Variants in FOXP1 observed in about 807,000 individuals in gnomAD.
FOXP1 encodes forkhead box P1, also known as forkhead box protein P1.
Under a neutral mutation model 98.2 loss-of-function variants are expected in FOXP1, and 15 were observed. That is an observed-to-expected ratio of 0.15 (90% CI 0.10 to 0.24). The LOEUF (loss-of-function observed/expected upper bound fraction) is 0.24, where lower values mean the gene tolerates loss of function less well. Ranked by LOEUF, FOXP1 falls within the 10% of genes least tolerant of loss-of-function variation. The probability of loss-of-function intolerance (pLI) is 1.00; values close to 1 mark genes in which losing one functional copy is unlikely to be tolerated. For missense variants in FOXP1, 633 were observed against 848.5 expected, an observed-to-expected ratio of 0.75 and a Z score of 3.15; for synonymous variants, 371 against 314.5, an observed-to-expected ratio of 1.18 and a Z score of -1.90.
intron 2 of FOXP1, among the ~76,000 whole-genome samples, chr3:71,514,750 T>C (rs1203141002): frequency 6.6e-6 from 1 of 152,224 alleles, no homozygotes; most frequent in African/African-American, 2.4e-5. Flanking sequence ...TTCTGTGACC[T>C]GCATGTGGAG....
At chr3:71,018,379 G>C (rs1055232873) in intron 11 of FOXP1, among the ~76,000 whole-genome samples, 2 of 152,160 alleles carry the variant, frequency 1.3e-5, no homozygotes, top group Admixed American at 6.6e-5. Flanking sequence ...AAGACCGCTT[G>C]TGAATTTGTC....
At chr3:71,147,781 A>G (rs1304287431) in intron 6 of FOXP1, among the ~76,000 whole-genome samples, 1 of 152,212 alleles carries the variant, frequency 6.6e-6, no homozygotes, top group Non-Finnish European at 1.5e-5. Flanking sequence ...TCCTAGCCTT[A>G]TCGGCATTTA....
At position 70,988,956 on chromosome 3, in the gene FOXP1, T is replaced by TGA. The variant is rs1000155364; in HGVS notation, c.1063-881_1063-880dup. Among the ~76,000 whole-genome samples, 358 of 151,632 alleles carry TGA rather than the reference T, an allele frequency of 2.4e-3. 3 individuals are homozygous for TGA. The highest frequency in any genetic ancestry group is 4.7e-4 in the Non-Finnish European group (32 of 67,856). On this transcript the variant is annotated intron_variant, in intron 13 of 20. Transcript: ENST00000649528. ...AGGGAAGATGGAGAAGAGATTAATA[T>TGA]GAGAGAGAGAGAGGAGAGAGGGAGA...
chr3:71,195,450 A>G (rs1284184716), intron 6 of FOXP1, among the ~76,000 whole-genome samples: 2 of 152,236 alleles, frequency 1.3e-5, no homozygotes, highest in Non-Finnish European at 2.9e-5. Flanking sequence ...AAAATCCTCC[A>G]ACATTCAATA....
At chr3:71,347,548 T>A (rs955798939) in intron 4 of FOXP1, among the ~76,000 whole-genome samples, 18 of 152,246 alleles carry the variant, frequency 1.2e-4, no homozygotes, top group African/African-American at 4.1e-4. Flanking sequence ...CCTAGGGTCA[T>A]GTCAATATCA....
intron 6 of FOXP1, among the ~76,000 whole-genome samples, chr3:71,181,001 C>T (rs949344297): frequency 1.3e-5 from 2 of 152,156 alleles, no homozygotes; most frequent in African/African-American, 4.8e-5. Context: ...CCACAAGAAC[C>T]GGTTCCCTGC....
chr3:71,118,963 A>G (rs1261286605), intron 6 of FOXP1, among the ~76,000 whole-genome samples: 3 of 152,154 alleles, frequency 2.0e-5, no homozygotes, highest in Admixed American at 2.0e-4. Flanking sequence ...TTTACTAGAA[A>G]AGTCTGTCAA....
chr3:71,053,587 C>T (rs1162506737), intron 8 of FOXP1, 49 bp downstream of exon 8: 5 of 1,611,918 alleles, frequency 3.1e-6, no homozygotes, highest in Middle Eastern at 1.7e-4. Context: ...GTGATGGGGG[C>T]CCCTGGGTTC....
At chr3:71,143,976 C>A (rs1179173402) in intron 6 of FOXP1, among the ~76,000 whole-genome samples, 2 of 152,024 alleles carry the variant, frequency 1.3e-5, no homozygotes, top group African/African-American at 2.4e-5. Context: ...CCCATCTAAC[C>A]TCTGATGAAA....
intron 6 of FOXP1, among the ~76,000 whole-genome samples, chr3:71,132,973 T>C (rs2059644125): frequency 2.9e-5 from 2 of 68,124 alleles, no homozygotes; most frequent in South Asian, 1.8e-3. Context: ...ACAGTTGTTC[T>C]CTAACCATAA....
chr3:71,410,529 T>A (rs2082653729), intron 3 of FOXP1, among the ~76,000 whole-genome samples: 2 of 152,230 alleles, frequency 1.3e-5, no homozygotes, highest in African/African-American at 4.8e-5. Flanking sequence ...ATAAGCTGTG[T>A]CCTTATGATT....
intron 2 of FOXP1, among the ~76,000 whole-genome samples, chr3:71,513,289 G>A (rs769128007): frequency 9.2e-5 from 14 of 152,012 alleles, no homozygotes; most frequent in Non-Finnish European, 1.9e-4. Flanking sequence ...CATAGTCCAC[G>A]GCAACTATAT....
chr3:71,061,286 G>A (rs2107267024), intron 7 of FOXP1, among the ~76,000 whole-genome samples: 1 of 152,224 alleles, frequency 6.6e-6, no homozygotes. Flanking sequence ...TAGCCATACA[G>A]ATACACATAA....
chr3:71,332,102 C>A (rs1012067063), intron 4 of FOXP1: 1 of 152,306 alleles, frequency 6.6e-6, no homozygotes, highest in South Asian at 2.1e-4. Context: ...CCCTTCCATA[C>A]TGTGGAAGCT....
chr3:71,476,869 C>T (rs949087419), intron 3 of FOXP1, among the ~76,000 whole-genome samples: 1 of 152,056 alleles, frequency 6.6e-6, no homozygotes, highest in Non-Finnish European at 1.5e-5. Flanking sequence ...GTCTTATTTG[C>T]AGCTTAATAA....
intron 6 of FOXP1, among the ~76,000 whole-genome samples, chr3:71,159,936 T>C (rs937423700): frequency 6.6e-6 from 1 of 152,230 alleles, no homozygotes; most frequent in Non-Finnish European, 1.5e-5. Flanking sequence ...CAGGTCCTGA[T>C]TCTGCTGAAT....
chr3:71,228,679 A>G (rs899303903), intron 5 of FOXP1, among the ~76,000 whole-genome samples: 1 of 152,328 alleles, frequency 6.6e-6, no homozygotes, highest in African/African-American at 2.4e-5. Flanking sequence ...CCGATCCTGC[A>G]TCAATGAATC....
chr3:70,963,873 T>C (rs144351490), intron 20 of FOXP1, among the ~76,000 whole-genome samples: 2 of 152,304 alleles, frequency 1.3e-5, no homozygotes, highest in African/African-American at 4.8e-5. Context: ...AGGGTAAGAA[T>C]GAAGAGTTCT....
At chr3:71,018,836 T>C (rs2044940892) in intron 11 of FOXP1, among the ~76,000 whole-genome samples, 1 of 152,196 alleles carries the variant, frequency 6.6e-6, no homozygotes, top group African/African-American at 2.4e-5. Context: ...TTTTGCACAT[T>C]GTAGGAACTG....
Sources: allele counts gnomAD v4.1 joint callset (sites outside exome capture counted in the v4.1 genomes callset), GRCh38; gene constraint gnomAD v4.1.1; transcripts MANE v1.5; gene names NCBI Gene and HGNC (gene_info 2026-07-23, HGNC 2026-07-21).